The following CACNA1H variants were observed in gnomAD, a reference collection of about 807,000 sequenced individuals.
CACNA1H encodes the protein calcium voltage-gated channel subunit alpha1 H.
CACNA1H carries 149 observed loss-of-function variants against 192.5 expected under a neutral mutation model. The ratio of observed to expected loss-of-function variants is 0.77; its 90% CI spans 0.68 to 0.89. The LOEUF (loss-of-function observed/expected upper bound fraction) is 0.89. Among genes scored for constraint, CACNA1H ranks in the 40% least tolerant of loss-of-function variants. The pLI, the probability that CACNA1H is intolerant of heterozygous loss-of-function variation, is 0.00. For synonymous variants in CACNA1H, 2,202 were observed against 1,475.2 expected, an observed-to-expected ratio of 1.49 and a Z score of -11.29; for missense variants, 4,257 against 3,423.5, an observed-to-expected ratio of 1.24 and a Z score of -6.08.
chr16:1,163,050 GTGTT>G (rs1567437575), intron 2 of CACNA1H, among the ~76,000 whole-genome samples: 1 of 152,262 alleles, frequency 6.6e-6, no homozygotes, highest in African/African-American at 2.4e-5. Context: ...GTCTGACTCT[GTGTT>G]TGCTGTGTGT....
At chr16:1,165,856 C>G (rs1176735472) in intron 2 of CACNA1H, among the ~76,000 whole-genome samples, 1 of 152,230 alleles carries the variant, frequency 6.6e-6, no homozygotes, top group African/African-American at 2.4e-5. Context: ...GCTGGTTCCT[C>G]TGCTCCCCTT....
chr16:1,210,048 G>T lies in CACNA1H; in HGVS notation c.3758G>T (p.Arg1253Leu), dbSNP rs534632699. ...CTCATCCCACAGAGCTGCTGCCTCC[G>T]CCTGCATAAAGTGCTGGAGCCCTAC... ...DDDSEDSCCL[R>L]LHKVLEPYKP... Residue 1253 changes from arginine to leucine, a missense_variant, in exon 18 of 35, where the codon CGC becomes CTC. Transcript: ENST00000348261. The T allele has an allele frequency of 9.7e-6, 15 of 1,551,148 alleles. No homozygotes were observed. Among genetic ancestry groups the T allele is most frequent in the African/African-American group, 4.1e-5 (3 of 73,076 alleles).
At position 1,220,553 on chromosome 16, in the gene CACNA1H, C is replaced by T. The variant is rs371375487; in HGVS notation, c.6621C>T (p.Ser2207=). Residue 2207 remains serine, a synonymous_variant, in exon 35 of 35, where the codon TCC becomes TCT. Transcript: ENST00000348261. The part of the protein sequence containing the change: ...PAEDEGSARP[S]AAEGGSTTLR... ...AGGACGAGGGCTCTGCGCGGCCCTC[C>T]GCGGCAGAGGGCGGCAGCACCACAC... 4.5e-5 allele frequency: 69 copies of T among 1,531,660 alleles called. No homozygotes were observed. The African/African-American group carries it at 5.6e-4, about 12-fold the overall frequency. 94.9% of individuals were successfully genotyped at this position (1,531,660 alleles called of 1,614,324 possible).
intron 8 of CACNA1H, 101 bp downstream of exon 8, chr16:1,200,909 C>T: frequency 1.1e-6 from 1 of 884,554 alleles, no homozygotes; most frequent in Non-Finnish European, 1.8e-6. Flanking sequence ...TGTCTGTCTT[C>T]CAGCTGAAGG....
intron 2 of CACNA1H, among the ~76,000 whole-genome samples, chr16:1,163,340 C>A (rs893538184): frequency 6.6e-5 from 10 of 152,200 alleles, no homozygotes; most frequent in Admixed American, 5.2e-4. Context: ...CGCCGGGGTA[C>A]GGTGTGGAGC....
chr16:1,162,382 G>A (rs752499008), intron 2 of CACNA1H, among the ~76,000 whole-genome samples: 10 of 152,164 alleles, frequency 6.6e-5, no homozygotes, highest in African/African-American at 1.4e-4. Context: ...GGGCCCCCCC[G>A]GAGGGAGAAA....
rs59297244 is a variant in CACNA1H, at chr16:1,220,205, C to T, written c.6273C>T (p.Ala2091=). The T allele has an allele frequency of 1.0e-3, 1,579 of 1,556,898 alleles. 13 individuals are homozygous for T. The African/African-American group carries it at 0.019, about 19-fold the overall frequency. ...CGGCGGCCCCAGGCGGAGAGGAGGC[C>T]GAGGCCTCGGACCCAGCCGACGAGG... ...SRPAAPGGEE[A]EASDPADEEV... Residue 2091 remains alanine, a synonymous_variant, in exon 35 of 35, where the codon GCC becomes GCT. Coordinates refer to ENST00000348261, the MANE Select transcript of CACNA1H (RefSeq NM_021098.3).
chr16:1,192,793 A>T (rs1301318432), intron 2 of CACNA1H, among the ~76,000 whole-genome samples: 2 of 152,130 alleles, frequency 1.3e-5, no homozygotes, highest in Admixed American at 1.3e-4. Flanking sequence ...GGCTGGAGAC[A>T]TCTGGAGGCG....
At chr16:1,203,244 A>G (rs923561207) in intron 9 of CACNA1H, among the ~76,000 whole-genome samples, 2 of 152,222 alleles carry the variant, frequency 1.3e-5, no homozygotes, top group African/African-American at 4.8e-5. Flanking sequence ...ACGGGCTCCA[A>G]AGACAGCACG....
At chr16:1,199,731 C>T (rs1461501378) in intron 6 of CACNA1H, among the ~76,000 whole-genome samples, 3 of 150,354 alleles carry the variant, frequency 2.0e-5, no homozygotes, top group Non-Finnish European at 4.4e-5. Context: ...ACCCCAGGGT[C>T]CCCTGAGCCC....
At chr16:1,193,819 C>T (rs967067237) in intron 2 of CACNA1H, among the ~76,000 whole-genome samples, 32 of 152,000 alleles carry the variant, frequency 2.1e-4, no homozygotes, top group African/African-American at 7.7e-4. Flanking sequence ...TGCTGGGGTC[C>T]CTGGGGGAGG....
chr16:1,203,161 C>T (rs1386292744), intron 9 of CACNA1H, among the ~76,000 whole-genome samples: 1 of 152,172 alleles, frequency 6.6e-6, no homozygotes, highest in East Asian at 1.9e-4. Flanking sequence ...CCAGGGCGTG[C>T]AGACGAGTGT....
At position 1,217,910 on chromosome 16, in the gene CACNA1H, T is replaced by A. The variant is rs1175937746; in HGVS notation, c.5324-9T>A. The A allele has an allele frequency of 3.8e-6, 6 of 1,596,316 alleles. No individual in the cohort carries two copies. The highest frequency in any genetic ancestry group is 5.1e-6 in the Non-Finnish European group (6 of 1,172,158). The stretch of plus-strand genomic sequence containing the variant: ...CTCGGCTGACCGGGCGGGGTCTCCC[T>A]CCCCGCAGAGTGCAGTGAAGACAAC... On this transcript the variant is annotated splice_polypyrimidine_tract_variant and intron_variant, in intron 31 of 34. Coordinates refer to ENST00000348261, the MANE Select transcript of CACNA1H (RefSeq NM_021098.3).
At chr16:1,195,662 G>C in intron 4 of CACNA1H, 97 bp downstream of exon 4, 1 of 1,373,238 alleles carries the variant, frequency 7.3e-7, no homozygotes, top group Non-Finnish European at 1.0e-6. Context: ...AATGGGAGGT[G>C]TGTTCTAGAG....
At chr16:1,214,926 G>T in intron 27 of CACNA1H, 46 bp from the exon 28 acceptor site, 1 of 1,396,998 alleles carries the variant, frequency 7.2e-7, no homozygotes, top group Non-Finnish European at 1.0e-6. Context: ...GGGGGAAGAG[G>T]GGTGGCCCCA....
intron 2 of CACNA1H, among the ~76,000 whole-genome samples, chr16:1,156,210 T>C (rs1962361069): frequency 1.3e-5 from 2 of 152,138 alleles, no homozygotes; most frequent in African/African-American, 4.8e-5. Context: ...AACGCAGTGA[T>C]GGGGGGTGTC....
Position 1,219,149 on chromosome 16 carries a change from C to T in CACNA1H, c.6048+19C>T. 1 of 1,511,990 alleles carries T rather than the reference C, an allele frequency of 6.6e-7. No homozygotes were observed. Among genetic ancestry groups the T allele is most frequent in the Non-Finnish European group, 8.9e-7 (1 of 1,126,356 alleles). 93.7% of individuals were successfully genotyped at this position (1,511,990 alleles called of 1,614,324 possible). A position where few individuals can be genotyped will look rare whatever the true frequency, so the allele number is the denominator to read the frequency against. On this transcript the variant is annotated intron_variant, in intron 34 of 34. Coordinates refer to ENST00000348261, the MANE Select transcript of CACNA1H (RefSeq NM_021098.3). The stretch of plus-strand genomic sequence containing the variant: ...CAGACAGGTAGGAGAAGCCGTTGGC[C>T]TGCAGCAGAGGCTGGCGGGGATGGG...
chr16:1,156,900 C>G (rs1962485983), intron 2 of CACNA1H: 2 of 152,222 alleles, frequency 1.3e-5, no homozygotes, highest in Admixed American at 1.3e-4. Context: ...GACTCCATCC[C>G]AGGCAAAGGA....
rs530643950 is a variant in CACNA1H at position 1,156,131 on chromosome 16, C to T, written c.299+2095C>T. Among the ~76,000 whole-genome samples, 83 of 152,290 alleles carry T rather than the reference C, an allele frequency of 5.5e-4. 1 individual carries two copies. Among genetic ancestry groups the T allele is most frequent in the African/African-American group, 1.3e-3 (52 of 41,570 alleles). On this transcript the variant is annotated intron_variant, in intron 2 of 34. Coordinates refer to ENST00000348261, the MANE Select transcript of CACNA1H (RefSeq NM_021098.3). Reference sequence around the variant, plus strand: ...TTGCTTGGAGCACTGGGTCTGCCTGCGGCACGGCAGGACCCCCCACCCTCC... The same window carrying T: ...TTGCTTGGAGCACTGGGTCTGCCTGTGGCACGGCAGGACCCCCCACCCTCC...
Sources: allele counts gnomAD v4.1 joint callset (sites outside exome capture counted in the v4.1 genomes callset), GRCh38; gene constraint gnomAD v4.1.1; transcripts MANE v1.5; gene names NCBI Gene and HGNC (gene_info 2026-07-23, HGNC 2026-07-21).